VPS13A: variants seen among roughly 807,000 people sequenced by gnomAD.
VPS13A encodes intermembrane lipid transfer protein VPS13A.
In VPS13A, 264 loss-of-function variants were observed where a neutral mutation model predicts 390.9. That is an observed-to-expected ratio of 0.68 (90% CI 0.61 to 0.75). The LOEUF is 0.75. Ranked by LOEUF, VPS13A falls within the 30% of genes least tolerant of loss-of-function variation. The pLI is 0.00. For synonymous variants in VPS13A, 1,231 were observed against 1,227.1 expected (o/e 1.00, Z -0.07); for missense variants, 3,409 against 3,733.9 (o/e 0.91, Z 2.27).
chr9:77,357,903 A>T, intron 56 of VPS13A, 65 bp downstream of exon 56: 1 of 1,316,936 alleles, frequency 7.6e-7, no homozygotes, highest in Non-Finnish European at 1.1e-6. Flanking sequence ...AACCAGATCT[A>T]TTCCCATGGT....
At chr9:77,220,982 AT>A (rs1468470080) in intron 12 of VPS13A, among the ~76,000 whole-genome samples, 3 of 151,960 alleles carry the variant, frequency 2.0e-5, no homozygotes, top group Non-Finnish European at 4.4e-5. Flanking sequence ...GATTTTGCTT[AT>A]TTTCACTTAA....
chr9:77,236,342 G>A (rs1180577480), intron 17 of VPS13A, among the ~76,000 whole-genome samples: 1 of 152,158 alleles, frequency 6.6e-6, no homozygotes, highest in African/African-American at 2.4e-5. Flanking sequence ...TATTTAACAT[G>A]ATGGCTTAGT....
At chr9:77,181,499 G>A (rs1421865845) in intron 1 of VPS13A, among the ~76,000 whole-genome samples, 1 of 132,970 alleles carries the variant, frequency 7.5e-6, no homozygotes, top group Non-Finnish European at 1.5e-5. Flanking sequence ...CTGGCCAACA[G>A]AGCGAGACCC....
chr9:77,307,328 T>C (rs544634081), intron 34 of VPS13A, among the ~76,000 whole-genome samples: 1 of 152,300 alleles, frequency 6.6e-6, no homozygotes, highest in East Asian at 1.9e-4. Context: ...TGTTGGTACA[T>C]GATTGTAATC....
chr9:77,337,043 C>T lies in VPS13A; in HGVS notation c.6096-212C>T, dbSNP rs143906404. ...CAATCTCCTGACCTCGTGATACGCC[C>T]GTCTCGGCCTCCCAAAGTGCTGGGA... On this transcript the variant is annotated intron_variant, in intron 46 of 71. Transcript: ENST00000360280. 5.8e-3 allele frequency among the ~76,000 whole-genome samples: 874 copies of T among 151,924 alleles called. 12 individuals are homozygous for T. The highest frequency in any genetic ancestry group is 0.02 in the African/African-American group (843 of 41,474).
At chr9:77,259,196 C>T (rs894911865) in intron 22 of VPS13A, among the ~76,000 whole-genome samples, 4 of 152,000 alleles carry the variant, frequency 2.6e-5, no homozygotes, top group African/African-American at 4.8e-5. Context: ...AGTTGAGCTG[C>T]GTTAAGTTGA....
In VPS13A at chr9:77,419,123, G is replaced by C. The variant is rs1466970697; in HGVS notation, c.*3117G>C. The C allele has an allele frequency of 1.3e-5, 2 of 152,178 alleles. No homozygotes were observed. The highest frequency in any genetic ancestry group is 2.9e-5 in the Non-Finnish European group (2 of 68,034). 9.4% of individuals were successfully genotyped at this position (152,178 alleles called of 1,614,324 possible). ...ATGGCTCAGCCAACACAGTTCAGAG[G>C]AATCTTTTCGGCTTCCAGGGCATTG... On this transcript the variant is annotated 3_prime_UTR_variant, in exon 72 of 72. Transcript: ENST00000360280.
intron 1 of VPS13A, among the ~76,000 whole-genome samples, chr9:77,197,138 GTTTTC>G (rs1321471716): frequency 6.6e-6 from 1 of 152,046 alleles, no homozygotes; most frequent in African/African-American, 2.4e-5. Flanking sequence ...CCATTTGTAT[GTTTTC>G]TTTTCTCTTT....
chr9:77,349,240 ATC>A (rs1831324995), intron 52 of VPS13A, among the ~76,000 whole-genome samples: 2 of 151,424 alleles, frequency 1.3e-5, no homozygotes. Context: ...TTCCTTATGT[ATC>A]TCTCACATTT....
At chr9:77,247,645 T>G (rs1824896501) in intron 20 of VPS13A, among the ~76,000 whole-genome samples, 1 of 151,838 alleles carries the variant, frequency 6.6e-6, no homozygotes, top group African/African-American at 2.4e-5. Context: ...CTTGATTGAC[T>G]GATTGATTGA....
At chr9:77,403,648 A>T (rs1834478508) in intron 69 of VPS13A, among the ~76,000 whole-genome samples, 1 of 152,210 alleles carries the variant, frequency 6.6e-6, no homozygotes, top group South Asian at 2.1e-4. Context: ...GTTATCCCAG[A>T]AGTCAGCAGT....
chr9:77,307,064 T>G lies in VPS13A; in HGVS notation c.3961-881T>G, dbSNP rs568676328. Among the ~76,000 whole-genome samples the G allele has an allele frequency of 3.2e-4, 48 of 152,082 alleles. No individual in the cohort carries two copies. In the South Asian group the frequency reaches 1.0e-2, roughly 32 times the overall value. ...TGGGATTACAGGTGTGCACTATGCC[T>G]GGCTAATTTTTGTATTTTCGGTAGA... is the stretch of plus-strand genomic sequence containing the variant. On this transcript the variant is annotated intron_variant, in intron 34 of 71. Coordinates refer to ENST00000360280, the MANE Select transcript of VPS13A (RefSeq NM_033305.3).
chr9:77,208,786 A>T (rs980978736), intron 5 of VPS13A, among the ~76,000 whole-genome samples: 4 of 152,264 alleles, frequency 2.6e-5, no homozygotes, highest in East Asian at 1.9e-4. Flanking sequence ...CTGACCTCAG[A>T]TGATCTGCCC....
At chr9:77,310,982 G>A (rs1587551667) in intron 35 of VPS13A, among the ~76,000 whole-genome samples, 1 of 151,526 alleles carries the variant, frequency 6.6e-6, no homozygotes, top group Non-Finnish European at 1.5e-5. Context: ...CTGGAGTGTA[G>A]TGGTGCAATC....
chr9:77,245,927 T>TG (rs1196161607), intron 19 of VPS13A, among the ~76,000 whole-genome samples: 2 of 152,168 alleles, frequency 1.3e-5, no homozygotes, highest in Admixed American at 6.5e-5. Context: ...CAGAAAGAGT[T>TG]GGGGAGCCCA....
At chr9:77,197,234 C>T (rs1825056379) in intron 1 of VPS13A, among the ~76,000 whole-genome samples, 1 of 152,132 alleles carries the variant, frequency 6.6e-6, no homozygotes, top group South Asian at 2.1e-4. Flanking sequence ...AATGTGTATT[C>T]TGCTGTTGGT....
intron 68 of VPS13A, among the ~76,000 whole-genome samples, chr9:77,392,984 G>A (rs1249501645): frequency 6.6e-6 from 1 of 152,086 alleles, no homozygotes; most frequent in Non-Finnish European, 1.5e-5. Context: ...TTCCTTTCAC[G>A]AAAGATTTAT....
At chr9:77,224,931 A>G (rs116709525) in intron 13 of VPS13A, among the ~76,000 whole-genome samples, 3,218 of 152,300 alleles carry the variant, frequency 0.021, 78 homozygotes, top group African/African-American at 0.06. Flanking sequence ...CACCACCCTG[A>G]TGAGTCAGCA....
intron 59 of VPS13A, among the ~76,000 whole-genome samples, chr9:77,362,849 T>G (rs1832215780): frequency 6.6e-6 from 1 of 152,194 alleles, no homozygotes. Flanking sequence ...AATTTATTCC[T>G]ATGTATTATA....
Sources: gnomAD v4.1 joint callset for allele counts (sites outside exome capture counted in the v4.1 genomes callset) on GRCh38, gnomAD v4.1.1 for gene constraint, MANE v1.5 for transcripts, NCBI Gene and HGNC (gene_info 2026-07-23, HGNC 2026-07-21) for gene names.